The following ADRA1A variants were observed in gnomAD, a reference collection of about 807,000 sequenced individuals.
The protein encoded by ADRA1A is adrenoceptor alpha 1A, also known as alpha-1A adrenergic receptor.
In ADRA1A, 31 loss-of-function variants were observed where a neutral mutation model predicts 29.6. The observed-to-expected ratio is 1.05, with a 90% CI of 0.79 to 1.41. The LOEUF (loss-of-function observed/expected upper bound fraction) is 1.41, where lower values mean the gene tolerates loss of function less well. Among genes scored for constraint, ADRA1A ranks in the 40% most tolerant of loss-of-function variants. The pLI, the probability that ADRA1A is intolerant of heterozygous loss-of-function variation, is 0.00. For missense variants in ADRA1A, 619 were observed against 601.1 expected (o/e 1.03, Z -0.31); for synonymous variants, 311 against 254.3 (o/e 1.22, Z -2.12).
chr8:26,798,416 T>C (rs1476551752), intron 2 of ADRA1A, among the ~76,000 whole-genome samples: 2 of 152,218 alleles, frequency 1.3e-5, no homozygotes, highest in Non-Finnish European at 2.9e-5. Context: ...AAGGACTCAA[T>C]ATGTTAAGCA....
At chr8:26,749,498 G>A (rs1804832756) in intron 2 of ADRA1A, among the ~76,000 whole-genome samples, 1 of 152,196 alleles carries the variant, frequency 6.6e-6, no homozygotes, top group African/African-American at 2.4e-5. Context: ...TGCCTGGCAT[G>A]TAATAAATCT....
At chr8:26,761,773 C>CAA (rs1805516660), downstream of ADRA1A, among the ~76,000 whole-genome samples, 1 of 152,198 alleles carries the variant, frequency 6.6e-6, no homozygotes, top group South Asian at 2.1e-4. Flanking sequence ...AATGCAGGAG[C>CAA]ATACTCGTTG....
intron 2 of ADRA1A, among the ~76,000 whole-genome samples, chr8:26,759,109 G>A (rs73678227): frequency 0.062 from 9,488 of 152,238 alleles, 517 homozygotes; most frequent in East Asian, 0.25. Flanking sequence ...TGAATTGCTT[G>A]TGACTTGTTA....
intron 2 of ADRA1A, among the ~76,000 whole-genome samples, chr8:26,792,588 A>C (rs1807912383): frequency 6.7e-6 from 1 of 148,854 alleles, no homozygotes; most frequent in Non-Finnish European, 1.5e-5. Context: ...ACTACCAAAA[A>C]CATAGACATT....
intron 2 of ADRA1A, among the ~76,000 whole-genome samples, chr8:26,828,082 C>G (rs1382261705): frequency 6.6e-6 from 1 of 151,900 alleles, no homozygotes; most frequent in African/African-American, 2.4e-5. Context: ...TTGGTAGAGA[C>G]AGGGTTTTAC....
Position 26,865,635 on chromosome 8 carries a change from G to A in ADRA1A, c.-666C>T. On this transcript the variant is annotated 5_prime_UTR_variant, in exon 2 of 3. Transcript: ENST00000380573. The surrounding 1 kb of genome is among the most constrained non-coding windows in gnomAD (Gnocchi z 7.6). ...GTGCTGAGACCCAGGAGGCTGCGGG[G>A]CATCGTTTGACCGCGTCCACCTGAA... The A allele has an allele frequency of 1.0e-6, 1 of 986,112 alleles. No individual in the cohort carries two copies. Among genetic ancestry groups the A allele is most frequent in the Non-Finnish European group, 1.2e-6 (1 of 830,560 alleles). 61.1% of individuals were successfully genotyped at this position (986,112 alleles called of 1,614,324 possible).
rs531490310 is a variant in ADRA1A, at chr8:26,830,682, T to C, written c.883+33405A>G. Among the ~76,000 whole-genome samples, 43 of 152,340 alleles carry C rather than the reference T, an allele frequency of 2.8e-4. 1 individual carries two copies. In the South Asian group the frequency reaches 8.5e-3, roughly 30 times the overall value. ...GAATTAACCAAGAAATAAGCTGTTCTACCCACAGTCATCACAGCTGCCAAA... is the reference window on the plus strand; with the variant it reads ...GAATTAACCAAGAAATAAGCTGTTCCACCCACAGTCATCACAGCTGCCAAA... On this transcript the variant is annotated intron_variant, in intron 2 of 2. Coordinates refer to ENST00000380573, the MANE Select transcript of ADRA1A (RefSeq NM_000680.4).
intron 2 of ADRA1A, among the ~76,000 whole-genome samples, chr8:26,833,302 A>G (rs1811120488): frequency 6.6e-6 from 1 of 152,068 alleles, no homozygotes; most frequent in Non-Finnish European, 1.5e-5. Context: ...CCAGCCCCCC[A>G]TCGTCTTAGC....
intron 2 of ADRA1A, among the ~76,000 whole-genome samples, chr8:26,840,589 C>CT (rs200419252): frequency 0.076 from 10,873 of 143,268 alleles, 436 homozygotes; most frequent in Admixed American, 0.12. Flanking sequence ...CTTTAGCGTT[C>CT]TTTTTTTTTT....
intron 2 of ADRA1A, among the ~76,000 whole-genome samples, chr8:26,759,970 T>A (rs552393896): frequency 6.6e-6 from 1 of 152,274 alleles, no homozygotes; most frequent in Non-Finnish European, 1.5e-5. Context: ...TGTTCTGATG[T>A]GATTGATATT....
Position 26,831,950 on chromosome 8 carries a change from G to T in ADRA1A, c.883+32137C>A, listed in dbSNP as rs1811002814. Reference sequence around the variant, plus strand: ...CTGGGCCTGGCCGTGTGGTTTGTAGGCTGGAGTGGGGACAGAGGCCTGCTG... The same window carrying T: ...CTGGGCCTGGCCGTGTGGTTTGTAGTCTGGAGTGGGGACAGAGGCCTGCTG... On this transcript the variant is annotated intron_variant, in intron 2 of 2. Transcript: ENST00000380573. The surrounding 1 kb of genome is among the most constrained non-coding windows in gnomAD (Gnocchi z 5.2). 6.6e-6 allele frequency among the ~76,000 whole-genome samples: 1 copy of T among 152,194 alleles called. No individual in the cohort carries two copies. Among genetic ancestry groups the T allele is most frequent in the Non-Finnish European group, 1.5e-5 (1 of 68,042 alleles).
chr8:26,865,315 A>T lies in ADRA1A; in HGVS notation c.-346T>A. The T allele has an allele frequency of 8.9e-7, 1 of 1,118,892 alleles. No individual in the cohort carries two copies. Among genetic ancestry groups the T allele is most frequent in the Middle Eastern group, 4.0e-4 (1 of 2,514 alleles). 69.3% of individuals were successfully genotyped at this position (1,118,892 alleles called of 1,614,324 possible). A position where few individuals can be genotyped will look rare whatever the true frequency, so the allele number is the denominator to read the frequency against. ...ATCCAGGAGACTCCTTGCAACATGC[A>T]ATTCCAGAATTACGAGAATCTGCTT... On this transcript the variant is annotated 5_prime_UTR_variant, in exon 2 of 3. Coordinates refer to ENST00000380573, the MANE Select transcript of ADRA1A (RefSeq NM_000680.4). The surrounding 1 kb of genome is among the most constrained non-coding windows in gnomAD (Gnocchi z 7.6).
At chr8:26,827,302 G>A (rs545892166) in intron 2 of ADRA1A, among the ~76,000 whole-genome samples, 28 of 152,318 alleles carry the variant, frequency 1.8e-4, no homozygotes, top group Non-Finnish European at 1.2e-4. Flanking sequence ...GAGGTTGAAT[G>A]GAAATGTTAA....
chr8:26,755,674 C>T (rs1364000463), downstream of ADRA1A, among the ~76,000 whole-genome samples: 3 of 152,180 alleles, frequency 2.0e-5, no homozygotes, highest in African/African-American at 4.8e-5. Flanking sequence ...ACTCTGCAGC[C>T]GGCTGAGGCC....
intron 2 of ADRA1A, among the ~76,000 whole-genome samples, chr8:26,853,270 C>T (rs1362565503): frequency 6.6e-6 from 1 of 152,056 alleles, no homozygotes; most frequent in East Asian, 1.9e-4. Context: ...GCAGCATTTC[C>T]CAACATCATT....
At position 26,864,919 on chromosome 8, in the gene ADRA1A, C is replaced by A. The variant is rs149984985; in HGVS notation, c.51G>T (p.Pro17=). ...CCTTGGAAATGTTCACCGGTGCCGG[C>A]GGTTGGGTGCAGTTGGAGCTGTCGG... ...NASDSSNCTQ[P]PAPVNISKAI... The change falls in exon 2 of 3, where the codon CCG becomes CCT. Residue 17 remains proline, a synonymous_variant. Transcript: ENST00000380573. The surrounding 1 kb of genome is among the most constrained non-coding windows in gnomAD (Gnocchi z 8.1). The A allele has an allele frequency of 5.3e-5, 86 of 1,613,118 alleles. No homozygotes were observed. In the African/African-American group the frequency reaches 7.9e-4, roughly 15 times the overall value.
At chr8:26,793,120 T>G (rs1363548941) in intron 2 of ADRA1A, among the ~76,000 whole-genome samples, 1 of 151,914 alleles carries the variant, frequency 6.6e-6, no homozygotes, top group African/African-American at 2.4e-5. Flanking sequence ...ATAGACAGGA[T>G]TATTTTAGGT....
chr8:26,820,049 A>G (rs1810047608), intron 2 of ADRA1A, among the ~76,000 whole-genome samples: 1 of 152,204 alleles, frequency 6.6e-6, no homozygotes, highest in African/African-American at 2.4e-5. Context: ...TTAACCATGA[A>G]GATATAACTG....
In ADRA1A at chr8:26,866,749, T is replaced by C. The variant is rs1156587423; in HGVS notation, c.-687+187A>G. ...GATAAACACAGGGTTAAAAAGACAC[T>C]TGTTCAGTAGAAGGCAACTTCGCAG... is the stretch of plus-strand genomic sequence containing the variant. On this transcript the variant is annotated intron_variant, in intron 1 of 2. Coordinates refer to ENST00000380573, the MANE Select transcript of ADRA1A (RefSeq NM_000680.4). This position sits in a 1 kb window ranked among gnomAD's most constrained non-coding sequence, Gnocchi z 5.7. Among the ~76,000 whole-genome samples, 1 of 152,182 alleles carries C rather than the reference T, an allele frequency of 6.6e-6. No individual in the cohort carries two copies. Among genetic ancestry groups the C allele is most frequent in the Non-Finnish European group, 1.5e-5 (1 of 68,034 alleles).
Sources: allele counts gnomAD v4.1 joint callset (sites outside exome capture counted in the v4.1 genomes callset), GRCh38; gene constraint gnomAD v4.1.1; non-coding constraint Gnocchi (gnomAD v3.1); transcripts MANE v1.5; gene names NCBI Gene and HGNC (gene_info 2026-07-23, HGNC 2026-07-21).